The following MSH4 variants were observed in gnomAD, a reference collection of about 807,000 sequenced individuals.
MSH4 encodes the protein mutS protein homolog 4.
A neutral mutation model predicts 113.7 loss-of-function variants in MSH4; 106 were observed. The ratio of observed to expected loss-of-function variants is 0.93; its 90% CI spans 0.80 to 1.10. MSH4 has a LOEUF of 1.10. Ranked by LOEUF, MSH4 falls within the 50% of genes least tolerant of loss-of-function variation. The probability of loss-of-function intolerance (pLI) is 0.00; values close to 1 mark genes in which losing one functional copy is unlikely to be tolerated. For missense variants in MSH4, 1,061 were observed against 1,093.7 expected (o/e 0.97, Z 0.42); for synonymous variants, 368 against 380.2 (o/e 0.97, Z 0.37).
intron 8 of MSH4, among the ~76,000 whole-genome samples, chr1:75,861,190 C>G (rs997151120): frequency 1.3e-5 from 2 of 151,968 alleles, no homozygotes; most frequent in African/African-American, 4.8e-5. Flanking sequence ...TTTTAGCTTC[C>G]TTTTGATGGG....
At chr1:75,859,537 A>T (rs1033259481) in intron 8 of MSH4, among the ~76,000 whole-genome samples, 19 of 152,146 alleles carry the variant, frequency 1.2e-4, no homozygotes, top group African/African-American at 4.3e-4. Context: ...GTCATTCAGG[A>T]GCAGGTTGTT....
chr1:75,808,633 G>A (rs1480327966), intron 3 of MSH4, among the ~76,000 whole-genome samples: 1 of 152,104 alleles, frequency 6.6e-6, no homozygotes, highest in Admixed American at 6.5e-5. Context: ...TCAGGATTAT[G>A]GCATTTGAGA....
At chr1:75,810,092 T>C (rs1432033609) in intron 3 of MSH4, among the ~76,000 whole-genome samples, 2 of 152,172 alleles carry the variant, frequency 1.3e-5, no homozygotes, top group East Asian at 1.9e-4. Flanking sequence ...CTTAAGGCTG[T>C]TAGAAACTAT....
intron 10 of MSH4, among the ~76,000 whole-genome samples, chr1:75,877,396 A>G: frequency 6.6e-6 from 1 of 152,176 alleles, no homozygotes; most frequent in East Asian, 1.9e-4. Flanking sequence ...ATGCTGTTTA[A>G]TTTTAACAGT....
chr1:75,825,938 G>A (rs1315000864), intron 7 of MSH4, among the ~76,000 whole-genome samples: 1 of 151,994 alleles, frequency 6.6e-6, no homozygotes, highest in African/African-American at 2.4e-5. Flanking sequence ...TTTTTGTTGT[G>A]TCTGTACCAG....
At chr1:75,855,561 C>T (rs923798532) in intron 8 of MSH4, among the ~76,000 whole-genome samples, 4 of 152,178 alleles carry the variant, frequency 2.6e-5, no homozygotes, top group South Asian at 2.1e-4. Flanking sequence ...ATCTTCATAA[C>T]GCCAATCTGT....
intron 9 of MSH4, among the ~76,000 whole-genome samples, chr1:75,876,194 A>C (rs1244349539): frequency 6.6e-6 from 1 of 152,190 alleles, no homozygotes; most frequent in Non-Finnish European, 1.5e-5. Flanking sequence ...ACCTGGATTA[A>C]GTCGGGGTTG....
chr1:75,862,342 G>A (rs1651475720), intron 8 of MSH4, among the ~76,000 whole-genome samples: 1 of 152,174 alleles, frequency 6.6e-6, no homozygotes, highest in African/African-American at 2.4e-5. Context: ...AGTTGGAAAT[G>A]CAGTAATCAC....
intron 9 of MSH4, among the ~76,000 whole-genome samples, chr1:75,873,061 A>G (rs1651748394): frequency 6.6e-6 from 1 of 152,232 alleles, no homozygotes; most frequent in Non-Finnish European, 1.5e-5. Context: ...TGTGATAGGT[A>G]AAACCTTGTG....
In MSH4 at chr1:75,822,561, T is replaced by G. The variant is rs1379804257; in HGVS notation, c.1142T>G (p.Leu381Arg). The change falls in exon 7 of 20, where the codon CTA (leucine) becomes CGA (arginine). Residue 381 changes from leucine (L) to arginine (R), a missense_variant. Transcript: ENST00000263187. ...CAAGAACTACTTCAAGATGAGGAACTATTTTTTGGACTTCAATCAGGTAAA... is the reference window on the plus strand; with the variant it reads ...CAAGAACTACTTCAAGATGAGGAACGATTTTTTGGACTTCAATCAGGTAAA... The part of the protein sequence containing the change: ...CVQELLQDEE[L>R]FFGLQSVISR... 2 of 1,524,782 alleles carry G rather than the reference T, an allele frequency of 1.3e-6. No individual in the cohort carries two copies. The highest frequency in any genetic ancestry group is 2.9e-5 in the African/African-American group (2 of 69,636). The allele number at this position is 1,524,782 out of a possible 1,614,324, so 94.5% of individuals were successfully genotyped here.
intron 1 of MSH4, among the ~76,000 whole-genome samples, chr1:75,802,635 A>G (rs1291527514): frequency 6.6e-6 from 1 of 152,246 alleles, no homozygotes; most frequent in Non-Finnish European, 1.5e-5. Context: ...TGAGTCTAAA[A>G]TGCCATTTGC....
chr1:75,885,027 ATATGTG>A (rs1225800280), intron 15 of MSH4, among the ~76,000 whole-genome samples: 10 of 121,290 alleles, frequency 8.2e-5, no homozygotes, highest in African/African-American at 1.4e-4. Flanking sequence ...GTATATATAT[ATATGTG>A]TGTGTGTGTG....
chr1:75,898,935 T>G (rs927777281), intron 18 of MSH4, among the ~76,000 whole-genome samples: 2 of 152,182 alleles, frequency 1.3e-5, no homozygotes, highest in Non-Finnish European at 2.9e-5. Flanking sequence ...TAATTTTTTA[T>G]ATATGTAGAG....
Position 75,876,965 on chromosome 1 carries a change from A to G in MSH4, c.1335A>G (p.Leu445=). The G allele has an allele frequency of 6.4e-7, 1 of 1,566,414 alleles. No homozygotes were observed. Among genetic ancestry groups the G allele is most frequent in the Non-Finnish European group, 8.6e-7 (1 of 1,157,420 alleles). ...CTATGAAGAACTGTAACACACCTTT[A>G]TTAAGAGCTTACTATGGTTCCTTGG... The part of the protein sequence containing the change: ...KIAMKNCNTP[L]LRAYYGSLED... The change falls in exon 10 of 20, where the codon TTA becomes TTG. Residue 445 remains leucine, a synonymous_variant. Coordinates refer to ENST00000263187, the MANE Select transcript of MSH4 (RefSeq NM_002440.4).
Position 75,912,748 on chromosome 1 carries a change from T to C in MSH4, c.2672T>C (p.Leu891Pro). ...GAAAGACAGAGAGCTGTGTACCATC[T>C]AGCCACTAGGCTTGTTCAAACTGCT... ...EMERQRAVYH[L>P]ATRLVQTARN... Residue 891 changes from leucine (L) to proline (P), a missense_variant, in exon 20 of 20, where the codon CTA becomes CCA. Physicochemically the swap from Leu to Pro is moderately conservative, Grantham distance 98. Coordinates refer to ENST00000263187, the MANE Select transcript of MSH4 (RefSeq NM_002440.4). 1 of 1,588,320 alleles carries C rather than the reference T, an allele frequency of 6.3e-7. No individual in the cohort carries two copies. Among genetic ancestry groups the C allele is most frequent in the Non-Finnish European group, 8.6e-7 (1 of 1,168,980 alleles).
chr1:75,826,835 A>T (rs11161688), intron 7 of MSH4, among the ~76,000 whole-genome samples: 70,288 of 151,872 alleles, frequency 0.46, 17,280 homozygotes, highest in East Asian at 0.95. Flanking sequence ...ACTGTTATGA[A>T]TTCCATTCTG....
At chr1:75,821,604 A>T (rs1264233658) in intron 6 of MSH4, among the ~76,000 whole-genome samples, 1 of 152,150 alleles carries the variant, frequency 6.6e-6, no homozygotes, top group Non-Finnish European at 1.5e-5. Flanking sequence ...TCAAAAAATC[A>T]AAATATATCT....
At chr1:75,803,584 T>C in intron 1 of MSH4, 147 bp from the exon 2 acceptor site, 1 of 535,972 alleles carries the variant, frequency 1.9e-6, no homozygotes, top group Non-Finnish European at 3.0e-6. Flanking sequence ...GCCACTACGC[T>C]CCAGCCTGGG....
At chr1:75,880,840 A>G (rs990546527) in intron 13 of MSH4, among the ~76,000 whole-genome samples, 5 of 151,974 alleles carry the variant, frequency 3.3e-5, no homozygotes, top group Admixed American at 6.6e-5. Context: ...ATGAGAGAGA[A>G]AATGCATATA....
Sources: gnomAD v4.1 joint callset for allele counts (sites outside exome capture counted in the v4.1 genomes callset) on GRCh38, gnomAD v4.1.1 for gene constraint, MANE v1.5 for transcripts, NCBI Gene and HGNC (gene_info 2026-07-23, HGNC 2026-07-21) for gene names.